Variants in MGAT5 observed in about 807,000 individuals in gnomAD.
MGAT5 encodes alpha-1,6-mannosylglycoprotein 6-beta-N-acetylglucosaminyltransferase A.
In MGAT5, 30 loss-of-function variants were observed where a neutral mutation model predicts 94.3. That is an observed-to-expected ratio of 0.32 (90% confidence interval 0.24 to 0.43). The LOEUF (loss-of-function observed/expected upper bound fraction) is 0.43. MGAT5 is among the 20% of genes least tolerant of loss of function. MGAT5 has a pLI of 1.00. For synonymous variants in MGAT5, 310 were observed against 322.9 expected, an observed-to-expected ratio of 0.96 and a Z score of 0.43; for missense variants, 691 against 905.5, an observed-to-expected ratio of 0.76 and a Z score of 3.04.
chr2:134,196,104 A>G lies in MGAT5; in HGVS notation c.-142-58158A>G, dbSNP rs148999496. Among the ~76,000 whole-genome samples, 7 of 152,330 alleles carry G rather than the reference A, an allele frequency of 4.6e-5. No homozygotes were observed. In the East Asian group the frequency reaches 1.4e-3, roughly 29 times the overall value. On this transcript the variant is annotated intron_variant, in intron 1 of 16. Transcript: ENST00000409645. ...GAGGCTCCTCTGTAGCACTCTGGAC[A>G]TGGTGCTCTTCGGAAGTTGAATTTG...
chr2:134,301,376 T>C (rs77217215), intron 2 of MGAT5, among the ~76,000 whole-genome samples: 2,642 of 152,286 alleles, frequency 0.017, 85 homozygotes, highest in African/African-American at 0.06. Context: ...ATTCTATTGC[T>C]CTGAAGTTAC....
intron 8 of MGAT5, among the ~76,000 whole-genome samples, chr2:134,349,208 A>G (rs1410654768): frequency 6.6e-6 from 1 of 152,218 alleles, no homozygotes; most frequent in Non-Finnish European, 1.5e-5. Flanking sequence ...AATAGTAAAC[A>G]AAACATTTTC....
chr2:134,331,450 A>G (rs772344540), intron 4 of MGAT5, among the ~76,000 whole-genome samples: 8 of 152,086 alleles, frequency 5.3e-5, no homozygotes, highest in South Asian at 2.1e-4. Flanking sequence ...CTTCTCCTCA[A>G]TCGATTGTTG....
At chr2:134,152,453 G>A (rs377321027) in intron 1 of MGAT5, among the ~76,000 whole-genome samples, 2 of 149,718 alleles carry the variant, frequency 1.3e-5, no homozygotes, top group African/African-American at 2.5e-5. Context: ...TATGGGACCC[G>A]TCCACTGCCA....
At chr2:134,303,889 C>T (rs993419880) in intron 2 of MGAT5, among the ~76,000 whole-genome samples, 1 of 152,142 alleles carries the variant, frequency 6.6e-6, no homozygotes, top group African/African-American at 2.4e-5. Flanking sequence ...TGATAGTCCC[C>T]TCTGGGGCAC....
intron 14 of MGAT5, among the ~76,000 whole-genome samples, chr2:134,437,041 A>G (rs774829608): frequency 6.6e-6 from 1 of 152,024 alleles, no homozygotes; most frequent in Non-Finnish European, 1.5e-5. Flanking sequence ...CAGGCTGGAG[A>G]GCAGTGGCGC....
chr2:134,131,141 C>T (rs1558948187), intron 1 of MGAT5, among the ~76,000 whole-genome samples: 1 of 152,238 alleles, frequency 6.6e-6, no homozygotes, highest in Non-Finnish European at 1.5e-5. Context: ...TGCAGCTTCA[C>T]TCCTGAGGCC....
chr2:134,423,053 A>C, intron 13 of MGAT5, 134 bp downstream of exon 13: 2 of 637,576 alleles, frequency 3.1e-6, no homozygotes, highest in Non-Finnish European at 5.5e-6. Context: ...AAAATAACCA[A>C]GCTGCAGGAT....
At chr2:134,346,519 G>A (rs1171398790) in intron 8 of MGAT5, among the ~76,000 whole-genome samples, 3 of 152,026 alleles carry the variant, frequency 2.0e-5, no homozygotes, top group Admixed American at 1.3e-4. Context: ...AGATCCTCTT[G>A]GAAGTTTCTA....
chr2:134,130,216 C>CGCCCCACACCGCCCCACACT (rs1558947501), intron 1 of MGAT5, among the ~76,000 whole-genome samples: 72 of 131,676 alleles, frequency 5.5e-4, no homozygotes, highest in Non-Finnish European at 8.4e-4. Flanking sequence ...CGCCCCACAC[C>CGCCCCACACCGCCCCACACT]GCCCCACACC....
chr2:134,252,503 A>C (rs918595802), upstream of MGAT5, among the ~76,000 whole-genome samples: 5 of 152,188 alleles, frequency 3.3e-5, no homozygotes, highest in Admixed American at 3.3e-4. Flanking sequence ...AGTGTGCATC[A>C]GAATCACCTC....
At chr2:134,389,816 C>T (rs1272641352) in intron 10 of MGAT5, among the ~76,000 whole-genome samples, 1 of 152,210 alleles carries the variant, frequency 6.6e-6, no homozygotes, top group African/African-American at 2.4e-5. Context: ...ACACAGGAGA[C>T]CAAATGCCTC....
At chr2:134,177,751 G>T (rs1688547642) in intron 1 of MGAT5, among the ~76,000 whole-genome samples, 1 of 152,218 alleles carries the variant, frequency 6.6e-6, no homozygotes, top group Admixed American at 6.5e-5. Flanking sequence ...AATGGCCAGT[G>T]CTCATGCAGG....
In MGAT5 at chr2:134,327,389, A is replaced by T. The variant is rs374232087; in HGVS notation, c.573+8650A>T. Among the ~76,000 whole-genome samples, 3 of 152,000 alleles carry T rather than the reference A, an allele frequency of 2.0e-5. No individual in the cohort carries two copies. The South Asian group carries it at 6.2e-4, about 32-fold the overall frequency. On this transcript the variant is annotated intron_variant, in intron 4 of 15. Transcript: ENST00000281923. ...TTGGCATATCTGAATTGCCAGCATC[A>T]TTACTCTTGAGCTTTGGGGCTGCTA... is the stretch of plus-strand genomic sequence containing the variant.
At chr2:134,123,702 C>G (rs74317725) in intron 1 of MGAT5, among the ~76,000 whole-genome samples, 4,226 of 152,144 alleles carry the variant, frequency 0.028, 184 homozygotes, top group African/African-American at 0.096. Flanking sequence ...GGGAAGGCTC[C>G]TGGTGTCAGG....
At chr2:134,260,797 A>G (rs1196384729) in intron 1 of MGAT5, among the ~76,000 whole-genome samples, 2 of 150,796 alleles carry the variant, frequency 1.3e-5, no homozygotes, top group African/African-American at 2.4e-5. Context: ...AGGGAAATAC[A>G]CTGTTCTTGA....
intron 10 of MGAT5, among the ~76,000 whole-genome samples, chr2:134,391,261 T>C (rs923106917): frequency 2.6e-5 from 4 of 152,070 alleles, no homozygotes; most frequent in African/African-American, 9.7e-5. Flanking sequence ...GGCTACCACT[T>C]GGAGCTCTTC....
intron 4 of MGAT5, among the ~76,000 whole-genome samples, chr2:134,333,646 A>G (rs1688143904): frequency 1.3e-5 from 2 of 152,138 alleles, no homozygotes; most frequent in Non-Finnish European, 2.9e-5. Context: ...CTTTATTGGT[A>G]GCATCCTCTA....
At chr2:134,334,496 C>CTT (rs59933611) in intron 4 of MGAT5, among the ~76,000 whole-genome samples, 787 of 34,082 alleles carry the variant, frequency 0.023, 184 homozygotes, top group South Asian at 0.028. Context: ...CTTGCTCATC[C>CTT]TTTTTTTTTT....
Sources: gnomAD v4.1 joint callset for allele counts (sites outside exome capture counted in the v4.1 genomes callset) on GRCh38, gnomAD v4.1.1 for gene constraint, MANE v1.5 for transcripts, NCBI Gene and HGNC (gene_info 2026-07-23, HGNC 2026-07-21) for gene names.